Variants in GNAO1 observed in about 807,000 individuals in gnomAD.
The protein encoded by GNAO1 is G protein subunit alpha o1.
For missense variants in GNAO1, 166 were observed against 478.7 expected (o/e 0.35, Z 6.10); for synonymous variants, 164 against 180.7 (o/e 0.91, Z 0.74).
chr16:56,336,643 C>A, intron 5 of GNAO1, 88 bp from the exon 6 acceptor site: 1 of 1,255,116 alleles, frequency 8.0e-7, no homozygotes, highest in Non-Finnish European at 1.1e-6. Flanking sequence ...GGCCCCCATC[C>A]TCTGCCTCTC....
intron 2 of GNAO1, among the ~76,000 whole-genome samples, chr16:56,263,105 A>G (rs950781611): frequency 1.1e-4 from 17 of 152,214 alleles, no homozygotes; most frequent in African/African-American, 4.1e-4. Context: ...GTCTAGTTAC[A>G]ATCACAAGGA....
At chr16:56,248,638 G>A (rs2036771462) in intron 2 of GNAO1, among the ~76,000 whole-genome samples, 3 of 152,300 alleles carry the variant, frequency 2.0e-5, no homozygotes, top group South Asian at 4.1e-4. Context: ...GAGTGGTCAG[G>A]GACATTCTCT....
chr16:56,285,427 G>A (rs2037156932), intron 3 of GNAO1, among the ~76,000 whole-genome samples: 1 of 152,064 alleles, frequency 6.6e-6, no homozygotes, highest in South Asian at 2.1e-4. Flanking sequence ...CCACCTGGCA[G>A]CTACACAGGG....
chr16:56,305,538 GGTGT>G (rs780647244), intron 3 of GNAO1, among the ~76,000 whole-genome samples: 2 of 152,072 alleles, frequency 1.3e-5, no homozygotes, highest in Non-Finnish European at 2.9e-5. Context: ...AAATGAGGCT[GGTGT>G]GTGTGCAAAG....
At chr16:56,208,284 C>T (rs557736992) in intron 2 of GNAO1, among the ~76,000 whole-genome samples, 1 of 151,806 alleles carries the variant, frequency 6.6e-6, no homozygotes, top group Admixed American at 6.6e-5. Flanking sequence ...ATATATTATT[C>T]TTCACCTCAT....
At chr16:56,284,257 T>C (rs1036886792) in intron 3 of GNAO1, among the ~76,000 whole-genome samples, 5 of 152,182 alleles carry the variant, frequency 3.3e-5, no homozygotes, top group African/African-American at 1.2e-4. Context: ...AACGCCTTGG[T>C]TTCCAGGGCT....
At chr16:56,296,253 G>A (rs1349388813) in intron 3 of GNAO1, among the ~76,000 whole-genome samples, 1 of 149,996 alleles carries the variant, frequency 6.7e-6, no homozygotes, top group African/African-American at 2.5e-5. Context: ...GCACACTGGT[G>A]TTGTGTTGTG....
At chr16:56,237,656 A>G (rs1029588900) in intron 2 of GNAO1, among the ~76,000 whole-genome samples, 3 of 152,166 alleles carry the variant, frequency 2.0e-5, no homozygotes, top group Non-Finnish European at 4.4e-5. Context: ...TCTAACAATA[A>G]CAGAGATTGT....
intron 3 of GNAO1, among the ~76,000 whole-genome samples, chr16:56,283,372 C>T (rs1404926193): frequency 2.0e-5 from 3 of 152,302 alleles, no homozygotes; most frequent in South Asian, 4.1e-4. Flanking sequence ...CTTGTTCCAC[C>T]AGGGGCCTTC....
At chr16:56,321,886 G>A (rs1239778350) in intron 3 of GNAO1, among the ~76,000 whole-genome samples, 1 of 152,190 alleles carries the variant, frequency 6.6e-6, no homozygotes, top group Non-Finnish European at 1.5e-5. Context: ...GGCCAGACCT[G>A]GTATCTTCAT....
At chr16:56,313,278 T>C (rs2037477131) in intron 3 of GNAO1, among the ~76,000 whole-genome samples, 2 of 152,170 alleles carry the variant, frequency 1.3e-5, no homozygotes, top group African/African-American at 4.8e-5. Context: ...TCCTAAAAAT[T>C]ATCAAGGACC....
chr16:56,284,218 A>G (rs2143541812), intron 3 of GNAO1, among the ~76,000 whole-genome samples: 1 of 152,380 alleles, frequency 6.6e-6, no homozygotes, highest in East Asian at 1.9e-4. Flanking sequence ...GGTCTTGGGC[A>G]GAGATGCCAG....
intron 2 of GNAO1, among the ~76,000 whole-genome samples, chr16:56,237,834 T>C (rs1221427769): frequency 6.6e-6 from 1 of 152,158 alleles, no homozygotes; most frequent in East Asian, 1.9e-4. Context: ...TCTTTTTTGT[T>C]TGTTTAGCAG....
chr16:56,297,576 C>A (rs1372603452), intron 3 of GNAO1, among the ~76,000 whole-genome samples: 1 of 104,672 alleles, frequency 9.6e-6, no homozygotes. Context: ...TGTGTGTATG[C>A]ATGTGTTTAA....
intron 3 of GNAO1, among the ~76,000 whole-genome samples, chr16:56,325,991 T>C (rs7194679): frequency 0.016 from 2,399 of 152,214 alleles, 68 homozygotes; most frequent in African/African-American, 0.055. Flanking sequence ...GGTCACATGC[T>C]CACCAGCCAC....
At chr16:56,321,322 C>A (rs937589842) in intron 3 of GNAO1, among the ~76,000 whole-genome samples, 2 of 152,174 alleles carry the variant, frequency 1.3e-5, no homozygotes, top group African/African-American at 4.8e-5. Context: ...TGGCTGCAGG[C>A]GCAGCTGGAT....
chr16:56,218,241 G>A (rs1245122351), intron 2 of GNAO1, among the ~76,000 whole-genome samples: 1 of 152,164 alleles, frequency 6.6e-6, no homozygotes, highest in Non-Finnish European at 1.5e-5. Flanking sequence ...GAGTAGAGCT[G>A]CTCTCTCCCT....
chr16:56,245,085 A>G (rs2143438885), intron 2 of GNAO1, among the ~76,000 whole-genome samples: 1 of 152,316 alleles, frequency 6.6e-6, no homozygotes, highest in South Asian at 2.1e-4. Flanking sequence ...CTAGAGTCTT[A>G]GGATAGCTGA....
intron 2 of GNAO1, among the ~76,000 whole-genome samples, chr16:56,231,644 T>C (rs1232144866): frequency 1.3e-5 from 2 of 152,160 alleles, no homozygotes; most frequent in African/African-American, 4.8e-5. Flanking sequence ...ATGAGCACCC[T>C]TTTCTGAACC....
Sources: allele counts gnomAD v4.1 joint callset (sites outside exome capture counted in the v4.1 genomes callset), GRCh38; gene constraint gnomAD v4.1.1; transcripts MANE v1.5; gene names NCBI Gene and HGNC (gene_info 2026-07-23, HGNC 2026-07-21).